Variants in DNMT3A observed in about 807,000 individuals in gnomAD.
DNMT3A encodes DNA (cytosine-5)-methyltransferase 3A.
DNMT3A carries 267 observed loss-of-function variants against 117.6 expected under a neutral mutation model. The ratio of observed to expected loss-of-function variants is 2.27; its 90% CI spans 2.05 to 2.51. The LOEUF is 2.51. Ranked by LOEUF, DNMT3A falls within the 30% of genes most tolerant of loss-of-function variation. The probability of loss-of-function intolerance (pLI) is 0.00; values close to 1 mark genes in which losing one functional copy is unlikely to be tolerated. For missense variants in DNMT3A, 1,029 were observed against 1,260.2 expected (o/e 0.82, Z 2.78); for synonymous variants, 432 against 474.8 (o/e 0.91, Z 1.17).
chr2:25,268,588 G>T (rs2030578000), intron 6 of DNMT3A, among the ~76,000 whole-genome samples: 1 of 152,092 alleles, frequency 6.6e-6, no homozygotes, highest in African/African-American at 2.4e-5. Context: ...GCCTTCCTTT[G>T]GGAGGAGGAA....
intron 21 of DNMT3A, 34 bp from the exon 22 acceptor site, chr2:25,235,859 A>G: frequency 6.3e-7 from 1 of 1,579,216 alleles, no homozygotes; most frequent in Non-Finnish European, 8.7e-7. Context: ...AATAAGCACG[A>G]ATTCATTCAC....
intron 6 of DNMT3A, chr2:25,249,489 C>A: frequency 1.3e-6 from 1 of 742,542 alleles, no homozygotes; most frequent in Non-Finnish European, 2.3e-6. Context: ...GTATTGTTAC[C>A]AGATTCGACC....
intron 1 of DNMT3A, chr2:25,328,525 G>A: frequency 4.7e-6 from 2 of 423,248 alleles, no homozygotes; most frequent in Admixed American, 2.5e-5. Context: ...GTATATAGAT[G>A]TGTCTGATTT....
At chr2:25,334,994 T>C (rs1351436976) in intron 1 of DNMT3A, among the ~76,000 whole-genome samples, 1 of 152,268 alleles carries the variant, frequency 6.6e-6, no homozygotes, top group African/African-American at 2.4e-5. Context: ...AAAACGAAAG[T>C]GTACAAAGTT....
At chr2:25,256,440 T>C (rs1676148687) in intron 6 of DNMT3A, among the ~76,000 whole-genome samples, 1 of 152,196 alleles carries the variant, frequency 6.6e-6, no homozygotes, top group African/African-American at 2.4e-5. Context: ...ACCTCCACCA[T>C]GAAAGTTCCT....
At chr2:25,341,102 G>C in intron 1 of DNMT3A, among the ~76,000 whole-genome samples, 1 of 145,428 alleles carries the variant, frequency 6.9e-6, no homozygotes, top group Middle Eastern at 3.5e-3. Context: ...CAGGTGGCCG[G>C]AGGAGGATCG....
Position 25,244,384 on chromosome 2 carries a change from G to A in DNMT3A, c.1668-46C>T, listed in dbSNP as rs184268261. 2.8e-4 allele frequency: 439 copies of A among 1,571,898 alleles called. 3 individuals are homozygous for A. The African/African-American group carries it at 5.2e-3, about 19-fold the overall frequency. ...CAGAGGAGACTCTCAGCCCTGGTCC[G>A]GGGAGGCCAAGGTGTGCTACCTGGA... On this transcript the variant is annotated intron_variant, in intron 14 of 22. Transcript: ENST00000321117.
At position 25,242,358 on chromosome 2, in the gene DNMT3A, C is replaced by T. The variant is rs559309517; in HGVS notation, c.1937-651G>A. On this transcript the variant is annotated intron_variant, in intron 16 of 22. Transcript: ENST00000321117. ...TCCCTCCCCCTCCAGAAATGCTAGC[C>T]GAACTGAGGCAAGGAAACAATCAGA... Among the ~76,000 whole-genome samples the T allele has an allele frequency of 5.9e-5, 9 of 152,170 alleles. No homozygotes were observed. In the South Asian group the frequency reaches 1.2e-3, roughly 21 times the overall value.
chr2:25,311,609 T>C lies in DNMT3A; in HGVS notation c.72+2304A>G, dbSNP rs2034125066. Among the ~76,000 whole-genome samples the C allele has an allele frequency of 6.6e-6, 1 of 152,172 alleles. No homozygotes were observed. On this transcript the variant is annotated intron_variant, in intron 2 of 22. Coordinates refer to ENST00000321117, the MANE Select transcript of DNMT3A (RefSeq NM_022552.5). The surrounding 1 kb of genome is among the most constrained non-coding windows in gnomAD (Gnocchi z 5.2). ...GCACCGGGATCTAGGGCTGGGTGTGTGTTTGTTGCCGCTTGAGCCAGAGCA... is the reference window on the plus strand; with the variant it reads ...GCACCGGGATCTAGGGCTGGGTGTGCGTTTGTTGCCGCTTGAGCCAGAGCA...
At position 25,237,019 on chromosome 2, in the gene DNMT3A, G is replaced by C. The variant is rs1237049896; in HGVS notation, c.2409-14C>G. ...GATGCCAACGGCCTAGGAGGCAGAA[G>C]AGAGACTGTAACAACAGAAACCTGG... On this transcript the variant is annotated splice_polypyrimidine_tract_variant and intron_variant, in intron 20 of 22. Coordinates refer to ENST00000321117, the MANE Select transcript of DNMT3A (RefSeq NM_022552.5). The surrounding 1 kb of genome is among the most constrained non-coding windows in gnomAD (Gnocchi z 5.4). 6.2e-7 allele frequency: 1 copy of C among 1,613,264 alleles called. No homozygotes were observed. The highest frequency in any genetic ancestry group is 8.5e-7 in the Non-Finnish European group (1 of 1,179,820).
rs1245360576 is a variant in DNMT3A, at chr2:25,328,586, C to T, written c.-178+13240G>A. The T allele has an allele frequency of 1.9e-4, 90 of 474,250 alleles. 1 individual carries two copies. The highest frequency in any genetic ancestry group is 8.8e-6 in the Non-Finnish European group (2 of 227,496). The allele number at this position is 474,250 out of a possible 1,614,324, so 29.4% of individuals were successfully genotyped here. A position where few individuals can be genotyped will look rare whatever the true frequency, so the allele number is the denominator to read the frequency against. ...TGCGTTGTATCTTGCTGCCCGTCCC[C>T]CCCGCCCACAGCTTGTCCCCCGCAA... On this transcript the variant is annotated intron_variant, in intron 1 of 22. Coordinates refer to ENST00000321117, the MANE Select transcript of DNMT3A (RefSeq NM_022552.5).
rs753412789 is a variant in DNMT3A at position 25,282,528 on chromosome 2, C to T, written c.361G>A (p.Ala121Thr). ...KGGAPAEGEG[A>T]AETLPEASRA... ...GAGGCTTCAGGCAGGGTCTCAGCTGCACCCTCTCCCTCTGCTGGGGCCCCG... is the reference window on the plus strand; with the variant it reads ...GAGGCTTCAGGCAGGGTCTCAGCTGTACCCTCTCCCTCTGCTGGGGCCCCG... The change falls in exon 4 of 23, where the codon GCA (alanine) becomes ACA (threonine). Residue 121 changes from alanine to threonine, a missense_variant. By Grantham distance (58) the Ala-to-Thr change is moderately conservative. Transcript: ENST00000321117. The surrounding 1 kb of genome is among the most constrained non-coding windows in gnomAD (Gnocchi z 5.2). 3 of 1,613,410 alleles carry T rather than the reference C, an allele frequency of 1.9e-6. No homozygotes were observed. Among genetic ancestry groups the T allele is most frequent in the Admixed American group, 3.3e-5 (2 of 60,006 alleles).
chr2:25,286,507 A>G lies in DNMT3A; in HGVS notation c.178-3796T>C, dbSNP rs985876226. ...TCCCCTCCTGCTCACCTGCTCTCTC[A>G]GGTTCTGGATGAGATGATTCAGCCA... On this transcript the variant is annotated intron_variant, in intron 3 of 22. Coordinates refer to ENST00000321117, the MANE Select transcript of DNMT3A (RefSeq NM_022552.5). The surrounding 1 kb of genome is among the most constrained non-coding windows in gnomAD (Gnocchi z 4.3). Among the ~76,000 whole-genome samples, 5 of 152,080 alleles carry G rather than the reference A, an allele frequency of 3.3e-5. No individual in the cohort carries two copies. The highest frequency in any genetic ancestry group is 1.2e-4 in the African/African-American group (5 of 41,408).
intron 4 of DNMT3A, among the ~76,000 whole-genome samples, chr2:25,278,042 C>CACACAG (rs1553422580): frequency 4.8e-4 from 70 of 146,396 alleles, no homozygotes; most frequent in African/African-American, 1.1e-3. Flanking sequence ...CACACACAGA[C>CACACAG]ACACACGCTT....
chr2:25,241,858 G>T, intron 16 of DNMT3A, 151 bp from the exon 17 acceptor site: 2 of 977,136 alleles, frequency 2.0e-6, no homozygotes, highest in Non-Finnish European at 3.0e-6. Flanking sequence ...ATCCTTTCTG[G>T]ATCCAACTGG....
chr2:25,286,572 A>C lies in DNMT3A; in HGVS notation c.178-3861T>G, dbSNP rs1200987464. 6.6e-6 allele frequency among the ~76,000 whole-genome samples: 1 copy of C among 152,210 alleles called. No individual in the cohort carries two copies. The highest frequency in any genetic ancestry group is 1.5e-5 in the Non-Finnish European group (1 of 68,034). The stretch of plus-strand genomic sequence containing the variant: ...GGGGGGGAGGGCAATGACTTCTGCC[A>C]CGCTCAACCCTTGATTCATCCTACC... On this transcript the variant is annotated intron_variant, in intron 3 of 22. Transcript: ENST00000321117. This position sits in a 1 kb window ranked among gnomAD's most constrained non-coding sequence, Gnocchi z 4.3.
At chr2:25,303,216 C>T (rs1262812856) in intron 2 of DNMT3A, among the ~76,000 whole-genome samples, 1 of 152,222 alleles carries the variant, frequency 6.6e-6, no homozygotes, top group Admixed American at 6.5e-5. Context: ...GAAAGCCAAC[C>T]AGAGCGTCTG....
chr2:25,275,791 G>C (rs1247002011), intron 4 of DNMT3A, among the ~76,000 whole-genome samples: 1 of 152,186 alleles, frequency 6.6e-6, no homozygotes, highest in African/African-American at 2.4e-5. Context: ...CAGGCAAGAG[G>C]GAACACGAGG....
rs1406476804 is a variant in DNMT3A at position 25,247,216 on chromosome 2, A to G, written c.1015-58T>C. The stretch of plus-strand genomic sequence containing the variant: ...GCTTACACTTGCAAGCACCCACCCC[A>G]TGCCTTGCAACTGGCAGGGGCTGGG... On this transcript the variant is annotated intron_variant, in intron 8 of 22. Coordinates refer to ENST00000321117, the MANE Select transcript of DNMT3A (RefSeq NM_022552.5). The surrounding 1 kb of genome is among the most constrained non-coding windows in gnomAD (Gnocchi z 5.6). 3 of 1,545,144 alleles carry G rather than the reference A, an allele frequency of 1.9e-6. No homozygotes were observed. Among genetic ancestry groups the G allele is most frequent in the Non-Finnish European group, 2.7e-6 (3 of 1,126,280 alleles).
Sources: gnomAD v4.1 joint callset for allele counts (sites outside exome capture counted in the v4.1 genomes callset) on GRCh38, gnomAD v4.1.1 for gene constraint, Gnocchi (gnomAD v3.1) non-coding constraint, MANE v1.5 for transcripts, NCBI Gene and HGNC (gene_info 2026-07-23, HGNC 2026-07-21) for gene names.